Variants in HCLS1 observed in about 807,000 individuals in gnomAD.
The protein encoded by HCLS1 is hematopoietic cell-specific Lyn substrate 1.
HCLS1 carries 44 observed loss-of-function variants against 68.6 expected under a neutral mutation model. The ratio of observed to expected loss-of-function variants is 0.64; its 90% confidence interval spans 0.50 to 0.82. The LOEUF (loss-of-function observed/expected upper bound fraction) is 0.82, where lower values mean the gene tolerates loss of function less well. HCLS1 is among the 40% of genes least tolerant of loss of function. HCLS1 has a pLI of 0.00. For missense variants in HCLS1, 602 were observed against 612.1 expected (o/e 0.98, Z 0.17); for synonymous variants, 217 against 225.8 (o/e 0.96, Z 0.35).
chr3:121,645,172 G>T (rs1206370221), intron 4 of HCLS1, among the ~76,000 whole-genome samples: 1 of 152,174 alleles, frequency 6.6e-6, no homozygotes, highest in Non-Finnish European at 1.5e-5. Context: ...CATAGGATGG[G>T]CTGGGAACCA....
Position 121,633,188 on chromosome 3 carries a change from A to G in HCLS1, c.904-17T>C, listed in dbSNP as rs377759752. 11 of 1,510,396 alleles carry G rather than the reference A, an allele frequency of 7.3e-6. No individual in the cohort carries two copies. Among genetic ancestry groups the G allele is most frequent in the Non-Finnish European group, 9.0e-6 (10 of 1,106,328 alleles). 93.6% of individuals were successfully genotyped at this position (1,510,396 alleles called of 1,614,324 possible). A position where few individuals can be genotyped will look rare whatever the true frequency, so the allele number is the denominator to read the frequency against. ...AGGCCAGGCCTGTGGAAAATGAAGCATCTCTCAAGTAAGCAAGCCTCCATC... is the reference window on the plus strand; with the variant it reads ...AGGCCAGGCCTGTGGAAAATGAAGCGTCTCTCAAGTAAGCAAGCCTCCATC... On this transcript the variant is annotated splice_polypyrimidine_tract_variant and intron_variant, in intron 10 of 13. Coordinates refer to ENST00000314583, the MANE Select transcript of HCLS1 (RefSeq NM_005335.6).
chr3:121,645,958 T>G (rs2049242567), intron 4 of HCLS1, among the ~76,000 whole-genome samples: 1 of 138,772 alleles, frequency 7.2e-6, no homozygotes, highest in African/African-American at 2.6e-5. Context: ...TATATTTACA[T>G]TTACTTATAA....
chr3:121,657,256 T>C (rs1937892396), intron 3 of HCLS1, 23 bp downstream of exon 3: 2 of 1,606,322 alleles, frequency 1.2e-6, no homozygotes, highest in Non-Finnish European at 1.7e-6. Flanking sequence ...CCCTTCCTTT[T>C]CTCCAGTCCT....
At position 121,633,098 on chromosome 3, in the gene HCLS1, G is replaced by A. The variant is rs1460894790; in HGVS notation, c.977C>T (p.Pro326Leu). Residue 326 changes from proline to leucine, a missense_variant, in exon 11 of 14, where the codon CCC becomes CTC. Physicochemically the swap from Pro to Leu is moderately conservative, Grantham distance 98 (BLOSUM62 -3). Transcript: ENST00000314583. ...GAGAGTCTGCCTAATGGGCAGCAAG[G>A]GCACTGGGTGTTCCCTGCTGGTTCT... is the stretch of plus-strand genomic sequence containing the variant. ...PVRTSREHPV[P>L]LLPIRQTLPE... 1.2e-5 allele frequency: 20 copies of A among 1,613,418 alleles called. No individual in the cohort carries two copies. Among genetic ancestry groups the A allele is most frequent in the Non-Finnish European group, 1.7e-5 (20 of 1,179,582 alleles).
At chr3:121,647,142 C>T (rs1292255921) in intron 4 of HCLS1, among the ~76,000 whole-genome samples, 177 bp downstream of exon 4, 6 of 151,560 alleles carry the variant, frequency 4.0e-5, no homozygotes, top group African/African-American at 7.3e-5. Flanking sequence ...CCACGACGCA[C>T]GGCTAATTTT....
chr3:121,640,701 G>C (rs2049188720), intron 6 of HCLS1, among the ~76,000 whole-genome samples: 1 of 150,378 alleles, frequency 6.6e-6, no homozygotes, highest in African/African-American at 2.5e-5. Flanking sequence ...AAGGCAGAAG[G>C]ATCACTTCAG....
At chr3:121,647,077 G>T (rs529798702) in intron 4 of HCLS1, among the ~76,000 whole-genome samples, 1 of 149,866 alleles carries the variant, frequency 6.7e-6, no homozygotes, top group Non-Finnish European at 1.5e-5. Flanking sequence ...TGCCTCCCAG[G>T]TTCACGCCAT....
chr3:121,649,309 C>T (rs1221336125), intron 3 of HCLS1, among the ~76,000 whole-genome samples: 1 of 152,160 alleles, frequency 6.6e-6, no homozygotes, highest in Non-Finnish European at 1.5e-5. Flanking sequence ...GATCTCAGCT[C>T]ACTGTAATCT....
rs2049115605 is a variant in HCLS1 at position 121,633,077 on chromosome 3, GTC to G, written c.996_997del (p.Gln332HisfsTer7). The G allele has an allele frequency of 6.2e-7, 1 of 1,608,918 alleles. No homozygotes were observed. On this transcript the variant is annotated frameshift_variant, in exon 11 of 14. Coordinates refer to ENST00000314583, the MANE Select transcript of HCLS1 (RefSeq NM_005335.6). LOFTEE classifies it high-confidence loss of function. ...TGGGGGTTTGCTTACCTCCGGGAGA[GTC>G]TGCCTAATGGGCAGCAAGGGCACTG... is the stretch of plus-strand genomic sequence containing the variant.
At chr3:121,645,841 A>C (rs1199873798) in intron 4 of HCLS1, among the ~76,000 whole-genome samples, 2 of 147,086 alleles carry the variant, frequency 1.4e-5, no homozygotes, top group Admixed American at 1.4e-4. Flanking sequence ...TTTTAAATAT[A>C]CTTAAATATT....
chr3:121,646,368 ATAT>A (rs1937604576), intron 4 of HCLS1, among the ~76,000 whole-genome samples: 3 of 58,048 alleles, frequency 5.2e-5, no homozygotes, highest in Non-Finnish European at 9.3e-5. Context: ...ATTATATTAC[ATAT>A]TATTACTATG....
chr3:121,658,423 A>G (rs1937920359), intron 1 of HCLS1, 76 bp from the exon 2 acceptor site: 1 of 1,092,172 alleles, frequency 9.2e-7, no homozygotes, highest in Admixed American at 1.9e-5. Context: ...TGCTGAAGTC[A>G]AAATATAGCA....
At chr3:121,644,992 A>G (rs953016824) in intron 4 of HCLS1, 64 bp from the exon 5 acceptor site, 12 of 1,233,838 alleles carry the variant, frequency 9.7e-6, no homozygotes, top group Non-Finnish European at 1.4e-5. Context: ...ATAAATACAG[A>G]TATGGAGTGG....
intron 10 of HCLS1, 35 bp from the exon 11 acceptor site, chr3:121,633,206 C>G: frequency 1.5e-6 from 2 of 1,363,438 alleles, no homozygotes; most frequent in Non-Finnish European, 2.0e-6. Flanking sequence ...AGTAAGCAAG[C>G]CTCCATCTTC....
chr3:121,656,175 T>A (rs1937865902), intron 3 of HCLS1: 1 of 152,108 alleles, frequency 6.6e-6, no homozygotes, highest in Non-Finnish European at 1.5e-5. Context: ...GATTAAACAA[T>A]GTGGTATTGT....
chr3:121,644,836 C>T lies in HCLS1; in HGVS notation c.381G>A (p.Glu127=), dbSNP rs1311813705. The change falls in exon 5 of 14, where the codon GAG becomes GAA. Residue 127 remains glutamate, a synonymous_variant. Coordinates refer to ENST00000314583, the MANE Select transcript of HCLS1 (RefSeq NM_005335.6). ...CACTTACCTTGTCTGCCCTGTCCCTCTCAACTCCGTACTTGCCCCCAAAGC... is the reference window on the plus strand; with the variant it reads ...CACTTACCTTGTCTGCCCTGTCCCTTTCAACTCCGTACTTGCCCCCAAAGC... The part of the protein sequence containing the change: ...AKGFGGKYGV[E]RDRADKSAVG... 1.9e-6 allele frequency: 3 copies of T among 1,613,686 alleles called. No individual in the cohort carries two copies. The highest frequency in any genetic ancestry group is 1.3e-5 in the African/African-American group (1 of 74,928).
At chr3:121,635,864 G>C (rs2049146406) in intron 8 of HCLS1, 60 bp from the exon 9 acceptor site, 2 of 1,395,112 alleles carry the variant, frequency 1.4e-6, no homozygotes, top group African/African-American at 2.8e-5. Context: ...TGGTGACCTG[G>C]AGGTAGTATT....
At chr3:121,656,128 C>G (rs993339661) in intron 3 of HCLS1, 2 of 152,060 alleles carry the variant, frequency 1.3e-5, no homozygotes, top group African/African-American at 2.4e-5. Flanking sequence ...GGATTACAAG[C>G]GTGAGCCACC....
rs770076130 is a variant in HCLS1 at position 121,632,515 on chromosome 3, G to A, written c.1057C>T (p.Gln353Ter). 1 of 1,612,092 alleles carries A rather than the reference G, an allele frequency of 6.2e-7. No individual in the cohort carries two copies. Among genetic ancestry groups the A allele is most frequent in the Admixed American group, 1.7e-5 (1 of 59,962 alleles). Residue 353 changes from glutamine to a stop codon, truncating the protein, a stop_gained, in exon 12 of 14, where the codon CAG (glutamine) becomes TAG (stop). Coordinates refer to ENST00000314583, the MANE Select transcript of HCLS1 (RefSeq NM_005335.6). LOFTEE classifies it high-confidence loss of function. ...TCGTACACTGGCTCTTCCTCCACCT[G>A]GAGGCCTTCCAGAGTCCTAGGGGGC... ...ALPPRTLEGL[Q>*]VEEEPVYEAE...
Sources: gnomAD v4.1 joint callset for allele counts (sites outside exome capture counted in the v4.1 genomes callset) on GRCh38, gnomAD v4.1.1 for gene constraint, MANE v1.5 for transcripts, NCBI Gene and HGNC (gene_info 2026-07-23, HGNC 2026-07-21) for gene names.